The following TCF7 variants were observed in gnomAD, a reference collection of about 807,000 sequenced individuals.
TCF7 encodes the protein T-cell-factor-7.
TCF7 carries 19 observed loss-of-function variants against 46.8 expected under a neutral mutation model. The observed-to-expected ratio is 0.41, with a 90% CI of 0.28 to 0.60. The LOEUF (loss-of-function observed/expected upper bound fraction) is 0.60, where lower values mean the gene tolerates loss of function less well. TCF7 is among the 20% of genes least tolerant of loss of function. TCF7 has a pLI of 0.35. For synonymous variants in TCF7, 245 were observed against 213.4 expected (o/e 1.15, Z -1.29); for missense variants, 547 against 504.6 (o/e 1.08, Z -0.81).
At chr5:134,114,170 C>T (rs1415180502), upstream of TCF7, among the ~76,000 whole-genome samples, 1 of 152,122 alleles carries the variant, frequency 6.6e-6, no homozygotes, top group African/African-American at 2.4e-5. Context: ...GAAGGAAGTC[C>T]CTGATTGGCA....
At position 134,148,096 on chromosome 5, in the gene TCF7, C is replaced by T. The variant is rs1760919834; in HGVS notation, c.*1793C>T. 1.3e-5 allele frequency: 2 copies of T among 151,566 alleles called. No individual in the cohort carries two copies. The highest frequency in any genetic ancestry group is 6.6e-5 in the Admixed American group (1 of 15,158). The allele number at this position is 151,566 out of a possible 1,614,324, so 9.4% of individuals were successfully genotyped here. A position where few individuals can be genotyped will look rare whatever the true frequency, so the allele number is the denominator to read the frequency against. ...CCAAAGATCACATATTCTAGTGTAA[C>T]ACTGCAAGAAGTCTTGAGAAAAAGA... On this transcript the variant is annotated 3_prime_UTR_variant, in exon 10 of 10. Coordinates refer to ENST00000342854, the MANE Select transcript of TCF7 (RefSeq NM_003202.5).
chr5:134,128,610 C>T (rs1757677071), intron 3 of TCF7, among the ~76,000 whole-genome samples: 1 of 151,126 alleles, frequency 6.6e-6, no homozygotes, highest in African/African-American at 2.4e-5. Context: ...CTTTGCTTCT[C>T]AGAGGCTACT....
At position 134,115,392 on chromosome 5, in the gene TCF7, G is replaced by A; in HGVS notation, c.316+5G>A. Reference sequence around the variant, plus strand: ...TTCCAGAGCCCCTGGAGGACGGTGAGTTTCTGCCCGGCCCGGCTTCCCTTC... The same window carrying A: ...TTCCAGAGCCCCTGGAGGACGGTGAATTTCTGCCCGGCCCGGCTTCCCTTC... On this transcript the variant is annotated splice_donor_5th_base_variant and intron_variant, in intron 2 of 9. Coordinates refer to ENST00000342854, the MANE Select transcript of TCF7 (RefSeq NM_003202.5). The A allele has an allele frequency of 1.3e-6, 2 of 1,597,932 alleles. No individual in the cohort carries two copies. The highest frequency in any genetic ancestry group is 1.7e-6 in the Non-Finnish European group (2 of 1,172,970).
rs1441449654 is a variant in TCF7, at chr5:134,114,952, G to A, written c.46G>A (p.Asp16Asn). 6 of 1,137,088 alleles carry A rather than the reference G, an allele frequency of 5.3e-6. No individual in the cohort carries two copies. The highest frequency in any genetic ancestry group is 1.7e-5 in the African/African-American group (1 of 59,824). 70.4% of individuals were successfully genotyped at this position (1,137,088 alleles called of 1,614,324 possible). ...SGGGGAGGGDDLGAPDELLAF... is the reference protein window; with the variant it reads ...SGGGGAGGGDNLGAPDELLAF... ...CGGGGGCGGCGCGGGCGGCGGCGAC[G>A]ACCTCGGCGCGCCGGACGAGCTGCT... Residue 16 changes from aspartate to asparagine, a missense_variant, in exon 1 of 10, where the codon GAC becomes AAC. By Grantham distance (23) the Asp-to-Asn change is conservative (BLOSUM62 1). Around this residue, in one of 3 missense-constraint regions of TCF7, gnomAD observed 425 missense variants for 349.9 expected, o/e 1.21. Transcript: ENST00000342854.
At chr5:134,139,120 C>T (rs1366983774) in intron 5 of TCF7, 82 bp downstream of exon 5, 19 of 1,548,170 alleles carry the variant, frequency 1.2e-5, no homozygotes, top group Non-Finnish European at 8.7e-7. Flanking sequence ...CTCCTCCATC[C>T]CTCTTGGCTG....
chr5:134,143,009 G>A lies in TCF7; in HGVS notation c.935G>A (p.Arg312Gln), dbSNP rs1427488722. 5.6e-6 allele frequency: 9 copies of A among 1,612,678 alleles called. No individual in the cohort carries two copies. The highest frequency in any genetic ancestry group is 2.7e-5 in the African/African-American group (2 of 74,932). Reference protein sequence around the residue: ...ILGRRWHALSREEQAKYYELA... With the variant: ...ILGRRWHALSQEEQAKYYELA... ...CTGTTGCAGTGGCACGCGCTGTCGC[G>A]AGAAGAGCAGGCCAAGTACTATGAG... The change falls in exon 8 of 10, where the codon CGA (arginine) becomes CAA (glutamine). Residue 312 changes from arginine (R) to glutamine (Q), a missense_variant. This residue lies in a region of TCF7 where 32 missense variants were observed against 65.9 expected (regional missense o/e 0.49). Coordinates refer to ENST00000342854, the MANE Select transcript of TCF7 (RefSeq NM_003202.5).
At position 134,142,210 on chromosome 5, in the gene TCF7, G is replaced by A. The variant is rs773612083; in HGVS notation, c.661G>A (p.Gly221Ser). 4 of 1,613,820 alleles carry A rather than the reference G, an allele frequency of 2.5e-6. No homozygotes were observed. Among genetic ancestry groups the A allele is most frequent in the Non-Finnish European group, 3.4e-6 (4 of 1,179,852 alleles). Residue 221 changes from glycine (G) to serine (S), a missense_variant, in exon 6 of 10, where the codon GGT becomes AGT. By Grantham distance (56) the Gly-to-Ser change is moderately conservative. Coordinates refer to ENST00000342854, the MANE Select transcript of TCF7 (RefSeq NM_003202.5). ...SWFTHPSLML[G>S]SGVPGHPAAI... Reference sequence around the variant, plus strand: ...GTTCACCCACCCATCCTTGATGCTAGGTTCTGGTGTACCTGGTCACCCAGC... The same window carrying A: ...GTTCACCCACCCATCCTTGATGCTAAGTTCTGGTGTACCTGGTCACCCAGC...
intron 2 of TCF7, chr5:134,115,626 C>A: frequency 7.0e-7 from 1 of 1,432,998 alleles, no homozygotes; most frequent in Non-Finnish European, 9.1e-7. Context: ...TCCCCTCCTG[C>A]CCAGGTGACT....
In TCF7 at chr5:134,147,973, CAAAAAAAAAAAAAA is replaced by C. The variant is rs57382538; in HGVS notation, c.*1681_*1694del. 2.1e-5 allele frequency: 1 copy of C among 48,178 alleles called. No homozygotes were observed. The allele number at this position is 48,178 out of a possible 1,614,324, so 3.0% of individuals were successfully genotyped here. A position where few individuals can be genotyped will look rare whatever the true frequency, so the allele number is the denominator to read the frequency against. On this transcript the variant is annotated 3_prime_UTR_variant, in exon 10 of 10. Transcript: ENST00000342854. ...TCTGGGTAACAGGGAGACTGCATCT[CAAAAAAAAAAAAAA>C]AAAAAAAAAAGGGCTGTCCATGTAT...
chr5:134,143,377 C>T, intron 8 of TCF7: 1 of 788,552 alleles, frequency 1.3e-6, no homozygotes, highest in South Asian at 1.4e-5. Context: ...TCACCTCCTT[C>T]CATTCAAACT....
At chr5:134,131,468 G>A (rs937962103) in intron 3 of TCF7, among the ~76,000 whole-genome samples, 1 of 152,188 alleles carries the variant, frequency 6.6e-6, no homozygotes, top group Non-Finnish European at 1.5e-5. Context: ...GGCTCAAGGT[G>A]GAGATCTGCC....
At chr5:134,143,448 C>T (rs774164259) in intron 8 of TCF7, 144 bp from the exon 9 acceptor site, 5 of 955,364 alleles carry the variant, frequency 5.2e-6, no homozygotes, top group Non-Finnish European at 8.5e-6. Context: ...CCTAGCAAGA[C>T]CAGCAATCAA....
At chr5:134,119,602 C>T (rs758572842) in intron 3 of TCF7, among the ~76,000 whole-genome samples, 141 of 152,322 alleles carry the variant, frequency 9.3e-4, no homozygotes, top group Non-Finnish European at 1.5e-3. Flanking sequence ...TGGGGATGCC[C>T]CAAGCCAGGG....
Position 134,123,277 on chromosome 5 carries a change from C to T in TCF7, c.441+7244C>T, listed in dbSNP as rs571925673. ...CCCTACCCTTGGGCCCTCAGCCTGTCGATAGACTACACATTCTCTGCTGTA... is the reference window on the plus strand; with the variant it reads ...CCCTACCCTTGGGCCCTCAGCCTGTTGATAGACTACACATTCTCTGCTGTA... On this transcript the variant is annotated intron_variant, in intron 3 of 9. Transcript: ENST00000342854. Among the ~76,000 whole-genome samples, 46 of 152,312 alleles carry T rather than the reference C, an allele frequency of 3.0e-4. 1 individual carries two copies. In the South Asian group the frequency reaches 9.3e-3, roughly 31 times the overall value.
In TCF7 at chr5:134,115,894, C is replaced by T; in HGVS notation, c.317-15C>T. On this transcript the variant is annotated splice_polypyrimidine_tract_variant and intron_variant, in intron 2 of 9. Coordinates refer to ENST00000342854, the MANE Select transcript of TCF7 (RefSeq NM_003202.5). ...GCCAGGGCTGGTGTGTCTGACCCAGCTGTGGTTTTTCCAGGCCTGAAGGCC... is the reference window on the plus strand; with the variant it reads ...GCCAGGGCTGGTGTGTCTGACCCAGTTGTGGTTTTTCCAGGCCTGAAGGCC... 1.2e-6 allele frequency: 2 copies of T among 1,613,870 alleles called. No homozygotes were observed. The highest frequency in any genetic ancestry group is 1.7e-6 in the Non-Finnish European group (2 of 1,179,994).
chr5:134,123,619 G>T (rs1285774550), intron 3 of TCF7: 5 of 450,404 alleles, frequency 1.1e-5, no homozygotes, highest in Non-Finnish European at 2.2e-5. Context: ...CAGAGGGGCA[G>T]ACAGAGGCCC....
At chr5:134,118,068 T>C (rs1756070974) in intron 3 of TCF7, among the ~76,000 whole-genome samples, 1 of 152,238 alleles carries the variant, frequency 6.6e-6, no homozygotes, top group African/African-American at 2.4e-5. Flanking sequence ...AGCATTTGCT[T>C]GCATTACCTG....
Position 134,116,049 on chromosome 5 carries a change from A to G in TCF7, c.441+16A>G. ...GCCCCCGCTGGTAAGTGGACCCCGC[A>G]GCCAGTGCCGCCCTGTGCTTGCAGC... On this transcript the variant is annotated intron_variant, in intron 3 of 9. Coordinates refer to ENST00000342854, the MANE Select transcript of TCF7 (RefSeq NM_003202.5). The G allele has an allele frequency of 2.5e-6, 4 of 1,607,840 alleles. No homozygotes were observed. In the South Asian group the frequency reaches 3.3e-5, roughly 13 times the overall value.
chr5:134,118,461 A>G (rs1416264135), intron 3 of TCF7, among the ~76,000 whole-genome samples: 12 of 152,206 alleles, frequency 7.9e-5, no homozygotes, highest in Admixed American at 6.5e-5. Context: ...AGCCTATACC[A>G]GGGACCTGCT....
Sources: allele counts gnomAD v4.1 joint callset (sites outside exome capture counted in the v4.1 genomes callset), GRCh38; gene constraint gnomAD v4.1.1; regional missense constraint gnomAD v4.1.1; transcripts MANE v1.5; gene names NCBI Gene and HGNC (gene_info 2026-07-23, HGNC 2026-07-21).